The following ZFP69B variants were observed in gnomAD, a reference collection of about 807,000 sequenced individuals.
ZFP69B encodes zinc finger protein 69 homolog B.
A neutral mutation model predicts 19.7 loss-of-function variants in ZFP69B; 20 were observed. The ratio of observed to expected loss-of-function variants is 1.02; its 90% CI spans 0.71 to 1.48. The LOEUF (loss-of-function observed/expected upper bound fraction) is 1.48. Ranked by LOEUF, ZFP69B falls within the 40% of genes most tolerant of loss-of-function variation. ZFP69B has a pLI of 0.00. For synonymous variants in ZFP69B, 220 were observed against 222.7 expected, an observed-to-expected ratio of 0.99 and a Z score of 0.11; for missense variants, 583 against 632.6, an observed-to-expected ratio of 0.92 and a Z score of 0.84.
rs1055188419 is a variant in ZFP69B at position 40,463,696 on chromosome 1, TA to T, written c.*116del. 1,064 of 1,018,952 alleles carry T rather than the reference TA, an allele frequency of 1.0e-3. No individual in the cohort carries two copies. Among genetic ancestry groups the T allele is most frequent in the South Asian group, 1.4e-3 (73 of 52,076 alleles). 63.1% of individuals were successfully genotyped at this position (1,018,952 alleles called of 1,614,324 possible). A position where few individuals can be genotyped will look rare whatever the true frequency, so the allele number is the denominator to read the frequency against. On this transcript the variant is annotated 3_prime_UTR_variant, in exon 5 of 5. Transcript: ENST00000361584. ...TTTTTGGATTTCCAAAAACGAACAT[TA>T]AAAAAAAATGGTTTGGCACAATGTT...
chr1:40,460,190 T>C lies in ZFP69B; in HGVS notation c.437-2231T>C, dbSNP rs1033695032. Among the ~76,000 whole-genome samples the C allele has an allele frequency of 4.2e-4, 64 of 152,212 alleles. 1 individual carries two copies. Among genetic ancestry groups the C allele is most frequent in the Admixed American group, 2.6e-4 (4 of 15,278 alleles). On this transcript the variant is annotated intron_variant, in intron 4 of 4. Transcript: ENST00000361584. ...AATTTCCCTAGTAAAGCCAATGAAA[T>C]ACTGACAGGAATATACAAGCATTTG...
At chr1:40,452,374 A>C (rs1007881342) in intron 1 of ZFP69B, among the ~76,000 whole-genome samples, 1 of 152,208 alleles carries the variant, frequency 6.6e-6, no homozygotes, top group Non-Finnish European at 1.5e-5. Context: ...CTGTAATATA[A>C]AGCACCTGGT....
chr1:40,461,830 G>A (rs1645287985), intron 4 of ZFP69B, among the ~76,000 whole-genome samples: 1 of 152,096 alleles, frequency 6.6e-6, no homozygotes, highest in Non-Finnish European at 1.5e-5. Context: ...ATTATCTTCT[G>A]ATATTTGCTC....
rs1411990760 is a variant in ZFP69B at position 40,457,459 on chromosome 1, G to A, written c.436+20G>A. The A allele has an allele frequency of 1.2e-6, 2 of 1,606,352 alleles. No individual in the cohort carries two copies. Among genetic ancestry groups the A allele is most frequent in the African/African-American group, 1.3e-5 (1 of 74,736 alleles). On this transcript the variant is annotated intron_variant, in intron 4 of 4. Transcript: ENST00000361584. Reference sequence around the variant, plus strand: ...GTTCAGGTAAGTGCAAGGCAGGTGGGGCCTTTGTGATGTTAGCCAGAGAAT... The same window carrying A: ...GTTCAGGTAAGTGCAAGGCAGGTGGAGCCTTTGTGATGTTAGCCAGAGAAT...
intron 1 of ZFP69B, among the ~76,000 whole-genome samples, chr1:40,453,889 T>A (rs1459790699): frequency 6.6e-6 from 1 of 152,090 alleles, no homozygotes; most frequent in Non-Finnish European, 1.5e-5. Flanking sequence ...TAATAATAAT[T>A]AAAAAATAAC....
chr1:40,461,760 A>G (rs1292631303), intron 4 of ZFP69B, among the ~76,000 whole-genome samples: 1 of 152,066 alleles, frequency 6.6e-6, no homozygotes, highest in African/African-American at 2.4e-5. Context: ...ATGCCACTGC[A>G]CTCCAGTCTG....
chr1:40,462,848 CA>C lies in ZFP69B; in HGVS notation c.867del (p.Lys289AsnfsTer10). 1 of 1,614,056 alleles carries C rather than the reference CA, an allele frequency of 6.2e-7. No individual in the cohort carries two copies. Among genetic ancestry groups the C allele is most frequent in the Middle Eastern group, 1.7e-4 (1 of 6,044 alleles). On this transcript the variant is annotated frameshift_variant, in exon 5 of 5. Coordinates refer to ENST00000361584, the MANE Select transcript of ZFP69B (RefSeq NM_023070.3). LOFTEE classifies it low-confidence loss of function (END_TRUNC). ...AGTGTAATATTTGTGAAAAAATCTTCAAACAGCTTATTCACCTTACTGAACA... is the reference window on the plus strand; with the variant it reads ...AGTGTAATATTTGTGAAAAAATCTTCAACAGCTTATTCACCTTACTGAACA... ...FECNICEKIFKQLIHLTEHMR... is the reference protein window; with the variant it reads ...FECNICEKIFXQLIHLTEHMR...
In ZFP69B at chr1:40,461,262, A is replaced by G. The variant is rs545514606; in HGVS notation, c.437-1159A>G. Among the ~76,000 whole-genome samples the G allele has an allele frequency of 5.3e-5, 8 of 152,164 alleles. No homozygotes were observed. The South Asian group carries it at 1.0e-3, about 20-fold the overall frequency. ...TATATGTACAAATGCATACATTCAC[A>G]TATACATTTTGGTGGGAAATGTATG... On this transcript the variant is annotated intron_variant, in intron 4 of 4. Transcript: ENST00000361584.
At position 40,462,983 on chromosome 1, in the gene ZFP69B, AC is replaced by A; in HGVS notation, c.1002del (p.Tyr335MetfsTer44). The A allele has an allele frequency of 6.2e-7, 1 of 1,614,078 alleles. No individual in the cohort carries two copies. The highest frequency in any genetic ancestry group is 8.5e-7 in the Non-Finnish European group (1 of 1,180,002). On this transcript the variant is annotated frameshift_variant, in exon 5 of 5. Coordinates refer to ENST00000361584, the MANE Select transcript of ZFP69B (RefSeq NM_023070.3). LOFTEE classifies it low-confidence loss of function (END_TRUNC). ...PHQRIHTGEKPYECKECGKTF... is the reference protein window; with the variant it reads ...PHQRIHTGEKXYECKECGKTF... Reference sequence around the variant, plus strand: ...ATCAGAGAATTCATACTGGTGAGAAACCCTATGAATGTAAGGAGTGTGGGAA... The same window carrying A: ...ATCAGAGAATTCATACTGGTGAGAAACCTATGAATGTAAGGAGTGTGGGAA...
At position 40,450,893 on chromosome 1, in the gene ZFP69B, C is replaced by A. The variant is rs954738214; in HGVS notation, c.-69C>A. 1.4e-6 allele frequency: 2 copies of A among 1,407,832 alleles called. No individual in the cohort carries two copies. Among genetic ancestry groups the A allele is most frequent in the Non-Finnish European group, 1.9e-6 (2 of 1,073,718 alleles). The allele number at this position is 1,407,832 out of a possible 1,614,324, so 87.2% of individuals were successfully genotyped here. A position where few individuals can be genotyped will look rare whatever the true frequency, so the allele number is the denominator to read the frequency against. Reference sequence around the variant, plus strand: ...CTCCTGTCAGAGCTTCCAGCAATTTCCTCATCAGAGGTGGACAAGCCCTAT... The same window carrying A: ...CTCCTGTCAGAGCTTCCAGCAATTTACTCATCAGAGGTGGACAAGCCCTAT... On this transcript the variant is annotated 5_prime_UTR_variant, in exon 1 of 5. Coordinates refer to ENST00000361584, the MANE Select transcript of ZFP69B (RefSeq NM_023070.3).
intron 3 of ZFP69B, 82 bp downstream of exon 3, chr1:40,457,153 T>G (rs1299707574): frequency 3.2e-6 from 5 of 1,578,260 alleles, no homozygotes; most frequent in South Asian, 1.2e-5. Context: ...TTGTTTGGGC[T>G]TTCGGTTCTG....
intron 4 of ZFP69B, among the ~76,000 whole-genome samples, chr1:40,462,022 A>C (rs934038463): frequency 2.0e-4 from 30 of 152,228 alleles, no homozygotes; most frequent in African/African-American, 6.3e-4. Context: ...CAGCCTCCTA[A>C]GTAGCTGGGA....
intron 4 of ZFP69B, 61 bp from the exon 5 acceptor site, chr1:40,462,360 G>T (rs906172932): frequency 9.6e-6 from 14 of 1,460,848 alleles, no homozygotes; most frequent in Admixed American, 2.3e-5. Context: ...CATTCTCACC[G>T]TGGCAATTAA....
At chr1:40,451,130 C>T in intron 1 of ZFP69B, 42 bp downstream of exon 1, 4 of 1,464,588 alleles carry the variant, frequency 2.7e-6, no homozygotes, top group Non-Finnish European at 2.7e-6. Context: ...AAAGCAGTCC[C>T]CTCTAGTGTG....
At chr1:40,456,359 T>C (rs1183651184) in intron 2 of ZFP69B, among the ~76,000 whole-genome samples, 1 of 152,176 alleles carries the variant, frequency 6.6e-6, no homozygotes, top group Non-Finnish European at 1.5e-5. Flanking sequence ...AATGGAGTAT[T>C]TTTAAAAAAT....
intron 1 of ZFP69B, 142 bp downstream of exon 1, chr1:40,451,230 G>C: frequency 9.1e-7 from 1 of 1,103,906 alleles, no homozygotes. Flanking sequence ...CTCCTAGTCT[G>C]GGGTTTTCCT....
In ZFP69B at chr1:40,462,411, T is replaced by A; in HGVS notation, c.437-10T>A. On this transcript the variant is annotated splice_polypyrimidine_tract_variant and intron_variant, in intron 4 of 4. Transcript: ENST00000361584. Reference sequence around the variant, plus strand: ...GGAATATGGATCTTTTTTTTTATTATTTCTTTCAGACTTGAAGAGCAAAAC... The same window carrying A: ...GGAATATGGATCTTTTTTTTTATTAATTCTTTCAGACTTGAAGAGCAAAAC... 5.1e-6 allele frequency: 8 copies of A among 1,561,106 alleles called. No individual in the cohort carries two copies. Among genetic ancestry groups the A allele is most frequent in the Non-Finnish European group, 6.9e-6 (8 of 1,161,784 alleles).
chr1:40,462,294 A>T (rs1442686682), intron 4 of ZFP69B, 127 bp from the exon 5 acceptor site: 1 of 855,730 alleles, frequency 1.2e-6, no homozygotes, highest in Non-Finnish European at 1.7e-6. Flanking sequence ...AGACGGCAGA[A>T]TCACATTTGA....
At chr1:40,461,614 G>T (rs1645286104) in intron 4 of ZFP69B, among the ~76,000 whole-genome samples, 1 of 151,960 alleles carries the variant, frequency 6.6e-6, no homozygotes, top group South Asian at 2.1e-4. Flanking sequence ...GGGCAACATG[G>T]TGAAACCCCA....
Sources: allele counts gnomAD v4.1 joint callset (sites outside exome capture counted in the v4.1 genomes callset), GRCh38; gene constraint gnomAD v4.1.1; transcripts MANE v1.5; gene names NCBI Gene and HGNC (gene_info 2026-07-23, HGNC 2026-07-21).